The following PREX2 variants were observed in gnomAD, a reference collection of about 807,000 sequenced individuals.
The protein encoded by PREX2 is phosphatidylinositol 3,4,5-trisphosphate-dependent Rac exchanger 2 protein.
Under a neutral mutation model 203.2 loss-of-function variants are expected in PREX2, and 107 were observed. The ratio of observed to expected loss-of-function variants is 0.53; its 90% CI spans 0.45 to 0.62. The LOEUF (loss-of-function observed/expected upper bound fraction) is 0.62. Ranked by LOEUF, PREX2 falls within the 20% of genes least tolerant of loss-of-function variation. The pLI is 0.00. For synonymous variants in PREX2, 672 were observed against 663.6 expected (o/e 1.01, Z -0.19); for missense variants, 1,777 against 1,955.9 (o/e 0.91, Z 1.72).
rs1344491711 is a variant in PREX2 at position 68,120,971 on chromosome 8, C to T, written c.3646C>T (p.Leu1216Phe). ...PKLSCPKRLR[L>F]HIKQDPWNLP... ...GCTGAGTTGTCCAAAAAGGCTACGG[C>T]TTCATATCAAGCAAGATCCTTGGAA... The change falls in exon 30 of 40, where the codon CTT (leucine) becomes TTT (phenylalanine). Residue 1216 changes from leucine (L) to phenylalanine (F), a missense_variant. By Grantham distance (22) the Leu-to-Phe change is conservative (BLOSUM62 0). Coordinates refer to ENST00000288368, the MANE Select transcript of PREX2 (RefSeq NM_024870.4). 1 of 1,613,610 alleles carries T rather than the reference C, an allele frequency of 6.2e-7. No homozygotes were observed. The highest frequency in any genetic ancestry group is 8.5e-7 in the Non-Finnish European group (1 of 1,179,622).
chr8:68,038,342 T>C (rs769238115), intron 7 of PREX2, 50 bp downstream of exon 7: 24 of 1,591,366 alleles, frequency 1.5e-5, no homozygotes, highest in Non-Finnish European at 1.8e-5. Flanking sequence ...GTTTCTACCT[T>C]TCCCTCTGTG....
intron 37 of PREX2, among the ~76,000 whole-genome samples, chr8:68,198,547 T>C (rs982382146): frequency 7.9e-5 from 12 of 152,200 alleles, no homozygotes; most frequent in African/African-American, 2.9e-4. Context: ...GGTTCTTTAT[T>C]CCCACCTTGC....
At chr8:67,954,244 C>A (rs1805431464) in intron 1 of PREX2, among the ~76,000 whole-genome samples, 1 of 152,118 alleles carries the variant, frequency 6.6e-6, no homozygotes, top group Non-Finnish European at 1.5e-5. Flanking sequence ...AATTTATGGG[C>A]TCTTCCACTT....
At chr8:67,981,623 G>T (rs1248867123) in intron 1 of PREX2, among the ~76,000 whole-genome samples, 2 of 152,216 alleles carry the variant, frequency 1.3e-5, no homozygotes, top group East Asian at 3.9e-4. Flanking sequence ...GAGTGTTTCA[G>T]CTAAGGGTGG....
intron 1 of PREX2, among the ~76,000 whole-genome samples, chr8:67,990,847 C>T (rs1806579699): frequency 1.3e-5 from 2 of 152,060 alleles, no homozygotes; most frequent in Non-Finnish European, 2.9e-5. Context: ...GGGATAAGAC[C>T]CATAATTAGC....
At chr8:68,016,370 G>C (rs761229150) in intron 1 of PREX2, among the ~76,000 whole-genome samples, 1 of 151,740 alleles carries the variant, frequency 6.6e-6, no homozygotes, top group Non-Finnish European at 1.5e-5. Flanking sequence ...TAGACATCTC[G>C]TATACACATG....
chr8:68,062,521 C>T (rs1237850188), intron 11 of PREX2, among the ~76,000 whole-genome samples: 1 of 152,206 alleles, frequency 6.6e-6, no homozygotes, highest in South Asian at 2.1e-4. Flanking sequence ...GACCATCTGT[C>T]TCTTTCTTCA....
chr8:68,203,880 A>G (rs1190718500), intron 37 of PREX2, among the ~76,000 whole-genome samples: 1 of 152,146 alleles, frequency 6.6e-6, no homozygotes, highest in Non-Finnish European at 1.5e-5. Context: ...ATGGATGAAA[A>G]CCACATACTA....
Position 68,231,477 on chromosome 8 carries a change from CTTTTTTTT to C in PREX2, c.*110_*117del. The C allele has an allele frequency of 2.1e-6, 1 of 473,140 alleles. No individual in the cohort carries two copies. The highest frequency in any genetic ancestry group is 3.4e-6 in the Non-Finnish European group (1 of 297,452). 29.3% of individuals were successfully genotyped at this position (473,140 alleles called of 1,614,324 possible). A position where few individuals can be genotyped will look rare whatever the true frequency, so the allele number is the denominator to read the frequency against. ...ATTCTCCACTGAAGATACATCAATG[CTTTTTTTT>C]TTTTTTTTTTCTGTAAATCTTTCTT... On this transcript the variant is annotated 3_prime_UTR_variant, in exon 40 of 40. Coordinates refer to ENST00000288368, the MANE Select transcript of PREX2 (RefSeq NM_024870.4).
rs1018201753 is a variant in PREX2, at chr8:68,030,664, T to C, written c.705+6T>C. 6.2e-7 allele frequency: 1 copy of C among 1,613,162 alleles called. No individual in the cohort carries two copies. On this transcript the variant is annotated splice_donor_region_variant and intron_variant, in intron 6 of 39. Transcript: ENST00000288368. ...CTCACATTGAAGGCTGGGAGGTACA[T>C]TCACTTTGCTTGACAATCGAGCTTA...
At chr8:68,009,138 T>C (rs1330454314) in intron 1 of PREX2, among the ~76,000 whole-genome samples, 1 of 149,164 alleles carries the variant, frequency 6.7e-6, no homozygotes, top group Non-Finnish European at 1.5e-5. Context: ...GTTGGGATCT[T>C]CATTCATTTC....
intron 39 of PREX2, among the ~76,000 whole-genome samples, chr8:68,225,759 T>A (rs568685872): frequency 6.6e-6 from 1 of 152,326 alleles, no homozygotes; most frequent in East Asian, 1.9e-4. Flanking sequence ...TCTTTCACAG[T>A]TGATTAGGTT....
chr8:68,093,662 A>G lies in PREX2; in HGVS notation c.2308A>G (p.Lys770Glu), dbSNP rs762953723. 1 of 1,612,414 alleles carries G rather than the reference A, an allele frequency of 6.2e-7. No individual in the cohort carries two copies. Among genetic ancestry groups the G allele is most frequent in the South Asian group, 1.1e-5 (1 of 91,012 alleles). ...SIESAQEDLQKSHSKPPGDEA... is the reference protein window; with the variant it reads ...SIESAQEDLQESHSKPPGDEA... ...TGAGAGTGCTCAAGAAGACCTTCAAAAATCTCACTCCAAGCCCCCTGGAGA... is the reference window on the plus strand; with the variant it reads ...TGAGAGTGCTCAAGAAGACCTTCAAGAATCTCACTCCAAGCCCCCTGGAGA... The change falls in exon 21 of 40, where the codon AAA (lysine) becomes GAA (glutamate). Residue 770 changes from lysine to glutamate, a missense_variant. Lys to Glu is a moderately conservative substitution (Grantham distance 56). Coordinates refer to ENST00000288368, the MANE Select transcript of PREX2 (RefSeq NM_024870.4).
chr8:68,063,285 T>C (rs1351672767), intron 11 of PREX2, among the ~76,000 whole-genome samples: 1 of 152,138 alleles, frequency 6.6e-6, no homozygotes, highest in Non-Finnish European at 1.5e-5. Flanking sequence ...TTAGCTTTTG[T>C]TTTTCGTGGG....
chr8:67,975,147 ACTGTAGC>A (rs1305797601), intron 1 of PREX2, among the ~76,000 whole-genome samples: 25 of 151,446 alleles, frequency 1.7e-4, no homozygotes, highest in Admixed American at 1.6e-3. Flanking sequence ...CTTTCTCAAA[ACTGTAGC>A]TCACCCTGAC....
At chr8:68,181,757 A>T (rs1004563409) in intron 35 of PREX2, among the ~76,000 whole-genome samples, 3 of 152,128 alleles carry the variant, frequency 2.0e-5, no homozygotes, top group African/African-American at 7.2e-5. Flanking sequence ...GCTATTATTC[A>T]TCAATAAATT....
At chr8:68,101,366 A>C (rs911462003) in intron 23 of PREX2, 2 of 518,702 alleles carry the variant, frequency 3.9e-6, no homozygotes, top group African/African-American at 3.9e-5. Context: ...TGTTGAGTTG[A>C]GTTTGCATTA....
intron 30 of PREX2, among the ~76,000 whole-genome samples, chr8:68,125,405 T>A (rs371638749): frequency 2.6e-5 from 4 of 152,148 alleles, no homozygotes; most frequent in African/African-American, 7.2e-5. Context: ...CCATCTGTTA[T>A]ATACCACAGG....
At chr8:67,978,286 C>G (rs561679611) in intron 1 of PREX2, among the ~76,000 whole-genome samples, 3 of 152,040 alleles carry the variant, frequency 2.0e-5, no homozygotes, top group Non-Finnish European at 4.4e-5. Flanking sequence ...TTTTTTTCCC[C>G]ATATCCTTAC....
Sources: allele counts gnomAD v4.1 joint callset (sites outside exome capture counted in the v4.1 genomes callset), GRCh38; gene constraint gnomAD v4.1.1; transcripts MANE v1.5; gene names NCBI Gene and HGNC (gene_info 2026-07-23, HGNC 2026-07-21).